Variants in SRPX observed in about 807,000 individuals in gnomAD.
SRPX encodes the protein sushi repeat-containing protein SRPX.
Under a neutral mutation model 38.1 loss-of-function variants are expected in SRPX, and 24 were observed. That is an observed-to-expected ratio of 0.63 (90% CI 0.46 to 0.89). The LOEUF (loss-of-function observed/expected upper bound fraction) is 0.89, where lower values mean the gene tolerates loss of function less well. Among genes scored for constraint, SRPX ranks in the 40% least tolerant of loss-of-function variants. The pLI is 0.00. For missense variants in SRPX, 416 were observed against 377.8 expected (o/e 1.10, Z -0.84); for synonymous variants, 184 against 153.8 (o/e 1.20, Z -1.45).
intron 2 of SRPX, among the ~76,000 whole-genome samples, chrX:38,175,696 C>T (rs1045401690): frequency 9.0e-6 from 1 of 111,017 alleles, no homozygotes; most frequent in African/African-American, 3.3e-5. Flanking sequence ...CTAATACTTT[C>T]GTCATATCAT....
chrX:38,160,832 C>T, intron 6 of SRPX, 101 bp downstream of exon 6: 4 of 1,036,632 alleles, frequency 3.9e-6, no homozygotes, highest in Non-Finnish European at 5.2e-6. Flanking sequence ...TGGCAAGTCT[C>T]CCACCACAGT....
At chrX:38,178,515 T>C (rs957938894) in intron 1 of SRPX, among the ~76,000 whole-genome samples, 171 bp from the exon 2 acceptor site, 3 of 111,596 alleles carry the variant, frequency 2.7e-5, no homozygotes, top group African/African-American at 9.8e-5. Context: ...TCTCTCAGAG[T>C]GAAACCGGCT....
At chrX:38,188,996 G>A (rs1256448603) in intron 1 of SRPX, among the ~76,000 whole-genome samples, 1 of 111,726 alleles carries the variant, frequency 9.0e-6, no homozygotes, top group African/African-American at 3.3e-5. Context: ...GGTGGTAGAA[G>A]TCTACTTTTA....
At chrX:38,197,757 C>T (rs770322273) in intron 1 of SRPX, among the ~76,000 whole-genome samples, 2 of 112,373 alleles carry the variant, frequency 1.8e-5, no homozygotes, top group Admixed American at 1.9e-4. Flanking sequence ...GAAATAGAAT[C>T]CCTGTGTTCT....
chrX:38,176,649 T>C (rs1432655988), intron 2 of SRPX, among the ~76,000 whole-genome samples: 1 of 110,910 alleles, frequency 9.0e-6, no homozygotes, highest in African/African-American at 3.3e-5. Flanking sequence ...CAACATTAGC[T>C]GGGTGTGGTG....
At chrX:38,173,599 G>A (rs749506798) in intron 3 of SRPX, among the ~76,000 whole-genome samples, 6 of 111,051 alleles carry the variant, frequency 5.4e-5, no homozygotes, top group Non-Finnish European at 1.1e-4. Context: ...ACAGATGCAC[G>A]CTGCCACACC....
intron 1 of SRPX, among the ~76,000 whole-genome samples, chrX:38,183,855 T>C (rs1399188054): frequency 8.9e-6 from 1 of 112,033 alleles, no homozygotes; most frequent in African/African-American, 3.2e-5. Context: ...CAGAGCCATG[T>C]AGGATTCTGT....
chrX:38,200,489 C>T (rs998318045), intron 1 of SRPX, among the ~76,000 whole-genome samples: 19 of 111,505 alleles, frequency 1.7e-4, no homozygotes, highest in African/African-American at 5.5e-4. Flanking sequence ...GTTAAAATAC[C>T]ACAGACCAGG....
At chrX:38,172,147 T>A in intron 3 of SRPX, 90 bp from the exon 4 acceptor site, 5 of 1,009,824 alleles carry the variant, frequency 5.0e-6, no homozygotes, top group Non-Finnish European at 5.4e-6. Context: ...AAGCATGAGG[T>A]GAAAAGTTAA....
intron 4 of SRPX, among the ~76,000 whole-genome samples, chrX:38,167,828 T>G (rs1349815457): frequency 8.9e-6 from 1 of 111,886 alleles, no homozygotes; most frequent in Non-Finnish European, 1.9e-5. Context: ...TGGCACAATA[T>G]CGGCTCACTG....
intron 4 of SRPX, among the ~76,000 whole-genome samples, chrX:38,165,792 T>C (rs934065848): frequency 1.8e-5 from 2 of 112,086 alleles, no homozygotes; most frequent in Non-Finnish European, 3.8e-5. Context: ...ACTACACTTA[T>C]GGTTTTATGT....
intron 1 of SRPX, among the ~76,000 whole-genome samples, chrX:38,211,545 C>G (rs966825757): frequency 1.8e-5 from 2 of 111,012 alleles, no homozygotes; most frequent in Non-Finnish European, 3.8e-5. Flanking sequence ...ACTAAAAACA[C>G]AAAAATTAGA....
chrX:38,159,553 C>T (rs1259286452), intron 7 of SRPX, among the ~76,000 whole-genome samples: 1 of 112,914 alleles, frequency 8.9e-6, no homozygotes, highest in East Asian at 2.8e-4. Flanking sequence ...ATCCTTACAA[C>T]TCAAGAGGTA....
At chrX:38,205,907 G>C (rs1939201268) in intron 1 of SRPX, among the ~76,000 whole-genome samples, 1 of 112,453 alleles carries the variant, frequency 8.9e-6, no homozygotes, top group Non-Finnish European at 1.9e-5. Flanking sequence ...CAGCTCTGTA[G>C]TGGATTGCCT....
intron 1 of SRPX, among the ~76,000 whole-genome samples, chrX:38,207,415 AT>A (rs941324502): frequency 8.9e-6 from 1 of 112,129 alleles, no homozygotes; most frequent in African/African-American, 3.2e-5. Flanking sequence ...ACCAAGGGGC[AT>A]TCACAAAGCT....
intron 1 of SRPX, among the ~76,000 whole-genome samples, chrX:38,208,433 G>C (rs1939253514): frequency 8.9e-6 from 1 of 112,011 alleles, no homozygotes; most frequent in South Asian, 3.7e-4. Context: ...GTACTCTTTT[G>C]TGTCTGGTTT....
rs35523939 is a variant in SRPX at position 38,220,722 on chromosome X, C to CGCAGCA, written c.65_70dup (p.Leu22_Leu23dup). The CGCAGCA allele has an allele frequency of 2.4e-5, 28 of 1,152,895 alleles. No individual in the cohort carries two copies. The highest frequency in any genetic ancestry group is 5.5e-5 in the African/African-American group (3 of 54,933). ...TGGGAAGCTGCGGCTGGGCGGGACG[C>CGCAGCA]GCAGCAGCAGCAGCAGCAGCAGAGG... is the stretch of plus-strand genomic sequence containing the variant. On this transcript the variant is annotated inframe_insertion, in exon 1 of 10. Coordinates refer to ENST00000378533, the MANE Select transcript of SRPX (RefSeq NM_006307.5).
intron 3 of SRPX, 120 bp from the exon 4 acceptor site, chrX:38,172,177 G>C (rs1938484285): frequency 4.0e-6 from 3 of 754,173 alleles, no homozygotes; most frequent in Non-Finnish European, 5.7e-6. Flanking sequence ...AAGAAGGCCA[G>C]GCGCAGTGGC....
chrX:38,157,136 T>C lies in SRPX; in HGVS notation c.956-107A>G, dbSNP rs1282942533. The C allele has an allele frequency of 1.8e-5, 18 of 995,038 alleles. No homozygotes were observed. The Admixed American group carries it at 5.1e-4, about 28-fold the overall frequency. The allele number at this position is 995,038 out of a possible 1,213,427, so 82.0% of individuals were successfully genotyped here. On this transcript the variant is annotated intron_variant, in intron 7 of 9. Transcript: ENST00000378533. The stretch of plus-strand genomic sequence containing the variant: ...TTTGTGTAAGAAGTAAACCCTGAGA[T>C]AAGGATTCAAGTGTAAACAGTTTAT...
Sources: allele counts gnomAD v4.1 joint callset (sites outside exome capture counted in the v4.1 genomes callset), GRCh38; gene constraint gnomAD v4.1.1; transcripts MANE v1.5; gene names NCBI Gene and HGNC (gene_info 2026-07-23, HGNC 2026-07-21).